Variants in MAGI1 observed in about 807,000 individuals in gnomAD.
MAGI1 encodes membrane associated guanylate kinase, WW and PDZ domain containing 1, also known as membrane-associated guanylate kinase, WW and PDZ domain-containing protein 1.
Under a neutral mutation model 139.9 loss-of-function variants are expected in MAGI1, and 58 were observed. The ratio of observed to expected loss-of-function variants is 0.41; its 90% CI spans 0.34 to 0.52. The LOEUF (loss-of-function observed/expected upper bound fraction) is 0.52, where lower values mean the gene tolerates loss of function less well. Ranked by LOEUF, MAGI1 falls within the 20% of genes least tolerant of loss-of-function variation. MAGI1 has a pLI of 0.12. For missense variants in MAGI1, 1,874 were observed against 1,901.6 expected, an observed-to-expected ratio of 0.99 and a Z score of 0.27; for synonymous variants, 812 against 737.9, an observed-to-expected ratio of 1.10 and a Z score of -1.63.
chr3:65,727,666 T>G (rs1016602282), intron 1 of MAGI1, among the ~76,000 whole-genome samples: 1 of 152,234 alleles, frequency 6.6e-6, no homozygotes, highest in Non-Finnish European at 1.5e-5. Context: ...ATATTCCAGA[T>G]GCATTCACAC....
At chr3:65,933,104 A>G (rs2106750825) in intron 1 of MAGI1, among the ~76,000 whole-genome samples, 1 of 152,370 alleles carries the variant, frequency 6.6e-6, no homozygotes, top group South Asian at 2.1e-4. Context: ...TGTATGGCTG[A>G]AAGAACCTGT....
intron 1 of MAGI1, among the ~76,000 whole-genome samples, chr3:65,693,325 G>T (rs1198501743): frequency 6.6e-6 from 1 of 152,098 alleles, no homozygotes; most frequent in African/African-American, 2.4e-5. Context: ...TAAGACAGAG[G>T]CTAAAACTTG....
intron 1 of MAGI1, among the ~76,000 whole-genome samples, chr3:65,759,244 T>C (rs954463316): frequency 2.6e-5 from 4 of 152,292 alleles, no homozygotes; most frequent in African/African-American, 9.6e-5. Flanking sequence ...TTTTAAAATA[T>C]TGAACTGAGC....
chr3:65,382,989 T>C (rs1943174391), intron 15 of MAGI1, among the ~76,000 whole-genome samples: 1 of 152,212 alleles, frequency 6.6e-6, no homozygotes, highest in Non-Finnish European at 1.5e-5. Context: ...AACCCTGTTA[T>C]GTTATTCTAA....
At chr3:65,857,604 A>C (rs1407730582) in intron 1 of MAGI1, among the ~76,000 whole-genome samples, 2 of 152,204 alleles carry the variant, frequency 1.3e-5, no homozygotes, top group Non-Finnish European at 2.9e-5. Flanking sequence ...CATATCGTAG[A>C]AAGCTGGTCA....
intron 1 of MAGI1, among the ~76,000 whole-genome samples, chr3:65,775,751 G>T (rs1489742772): frequency 6.6e-6 from 1 of 151,894 alleles, no homozygotes; most frequent in Non-Finnish European, 1.5e-5. Context: ...AGACCAGCCT[G>T]GGAAACATGG....
chr3:65,394,432 T>C (rs1457385239), intron 13 of MAGI1, among the ~76,000 whole-genome samples: 2 of 152,178 alleles, frequency 1.3e-5, no homozygotes, highest in African/African-American at 4.8e-5. Context: ...GAGAATATGC[T>C]CTAAAAACTG....
intron 1 of MAGI1, among the ~76,000 whole-genome samples, chr3:65,776,609 G>A (rs1004793444): frequency 6.6e-6 from 1 of 152,046 alleles, no homozygotes; most frequent in African/African-American, 2.4e-5. Context: ...GAAATCTCTG[G>A]GTAGACATAC....
chr3:65,707,804 CTTCT>C (rs2030631538), intron 1 of MAGI1, among the ~76,000 whole-genome samples: 1 of 151,788 alleles, frequency 6.6e-6, no homozygotes. Context: ...CCCTCTCAAG[CTTCT>C]TTCTCAGTAA....
At chr3:65,991,344 T>TATATGA (rs1350297168) in intron 1 of MAGI1, among the ~76,000 whole-genome samples, 15 of 139,354 alleles carry the variant, frequency 1.1e-4, no homozygotes, top group Non-Finnish European at 1.9e-4. Flanking sequence ...GATACTGTAA[T>TATATGA]ATATGAATAT....
intron 1 of MAGI1, among the ~76,000 whole-genome samples, chr3:65,750,566 C>T (rs2036062832): frequency 6.6e-6 from 1 of 152,170 alleles, no homozygotes; most frequent in Non-Finnish European, 1.5e-5. Flanking sequence ...TAATTAGTGA[C>T]TATGGGAATC....
At chr3:65,640,616 C>T (rs1299228047) in intron 1 of MAGI1, among the ~76,000 whole-genome samples, 1 of 152,120 alleles carries the variant, frequency 6.6e-6, no homozygotes, top group Non-Finnish European at 1.5e-5. Context: ...TTGTCCTCAC[C>T]TTTTTGGAAG....
At chr3:65,519,305 A>G (rs1431208301) in intron 2 of MAGI1, among the ~76,000 whole-genome samples, 1 of 151,292 alleles carries the variant, frequency 6.6e-6, no homozygotes, top group Non-Finnish European at 1.5e-5. Flanking sequence ...AAGCCACTGG[A>G]AAGTTTTCAT....
chr3:65,840,622 T>G (rs1363263983), intron 1 of MAGI1, among the ~76,000 whole-genome samples: 1 of 152,204 alleles, frequency 6.6e-6, no homozygotes, highest in East Asian at 1.9e-4. Flanking sequence ...TTCTTGGTCA[T>G]GTTGTAGTAG....
intron 13 of MAGI1, among the ~76,000 whole-genome samples, chr3:65,393,604 A>G (rs1944115192): frequency 6.6e-6 from 1 of 152,226 alleles, no homozygotes; most frequent in South Asian, 2.1e-4. Flanking sequence ...TTTAAATGTA[A>G]AAGCAAAAAA....
intron 2 of MAGI1, among the ~76,000 whole-genome samples, chr3:65,562,799 G>A (rs968571573): frequency 3.3e-5 from 5 of 152,168 alleles, no homozygotes; most frequent in African/African-American, 1.2e-4. Flanking sequence ...GTTAATTCTT[G>A]CACAAAGCAA....
chr3:65,442,495 T>TCATC lies in MAGI1; in HGVS notation c.1136+296_1136+297insGATG, dbSNP rs1174440426. Among the ~76,000 whole-genome samples the TCATC allele has an allele frequency of 2.0e-5, 3 of 151,970 alleles. No individual in the cohort carries two copies. In the East Asian group the frequency reaches 5.8e-4, roughly 29 times the overall value. On this transcript the variant is annotated intron_variant, in intron 8 of 22. Transcript: ENST00000402939. ...ATCCTGGCTTTTCTCATTCATTCAT[T>TCATC]CATTCAACTAATACTCATTAAGTAC...
chr3:65,417,055 A>G (rs1414772475), intron 12 of MAGI1, among the ~76,000 whole-genome samples: 3 of 152,172 alleles, frequency 2.0e-5, no homozygotes, highest in African/African-American at 4.8e-5. Context: ...GTCTCAGATA[A>G]CGGTTTCGAA....
chr3:65,456,615 T>A (rs911139388), intron 5 of MAGI1, among the ~76,000 whole-genome samples: 1 of 152,184 alleles, frequency 6.6e-6, no homozygotes, highest in African/African-American at 2.4e-5. Context: ...AAAAATTTTC[T>A]GGTTTTTTGG....
Sources: allele counts gnomAD v4.1 joint callset (sites outside exome capture counted in the v4.1 genomes callset), GRCh38; gene constraint gnomAD v4.1.1; transcripts MANE v1.5; gene names NCBI Gene and HGNC (gene_info 2026-07-23, HGNC 2026-07-21).